KIAA0513: variants seen among roughly 807,000 people sequenced by gnomAD.
The protein encoded by KIAA0513 is KIAA0513.
In KIAA0513, 39 loss-of-function variants were observed where a neutral mutation model predicts 56.5. The observed-to-expected ratio is 0.69, with a 90% CI of 0.53 to 0.90. KIAA0513 has a LOEUF of 0.90. Among genes scored for constraint, KIAA0513 ranks in the 40% least tolerant of loss-of-function variants. The pLI is 0.00. For synonymous variants in KIAA0513, 268 were observed against 215.6 expected (o/e 1.24, Z -2.13); for missense variants, 591 against 535.2 (o/e 1.10, Z -1.03).
chr16:85,035,910 C>A (rs1242819849), intron 1 of KIAA0513, among the ~76,000 whole-genome samples: 1 of 146,106 alleles, frequency 6.8e-6, no homozygotes, highest in East Asian at 2.0e-4. Flanking sequence ...ACCTGGGAGG[C>A]AGAGCTTGCA....
In KIAA0513 at chr16:85,045,148, A is replaced by G. The variant is rs576954776; in HGVS notation, c.-173+17290A>G. On this transcript the variant is annotated intron_variant, in intron 1 of 12. Coordinates refer to ENST00000683363, the MANE Select transcript of KIAA0513 (RefSeq NM_001388359.1). ...AAATAAATAATAAATGACAAAAAAA[A>G]AGAAAGCATCTGTCCCTCATCATGT... is the stretch of plus-strand genomic sequence containing the variant. 4.6e-5 allele frequency among the ~76,000 whole-genome samples: 7 copies of G among 152,182 alleles called. No individual in the cohort carries two copies. The South Asian group carries it at 1.2e-3, about 27-fold the overall frequency.
intron 1 of KIAA0513, among the ~76,000 whole-genome samples, chr16:85,049,702 G>C (rs11149706): frequency 1.3e-5 from 2 of 151,958 alleles, no homozygotes; most frequent in South Asian, 4.1e-4. Flanking sequence ...GAAGTCAAGC[G>C]GATGCCAGCA....
intron 3 of KIAA0513, 93 bp downstream of exon 3, chr16:85,071,975 C>G (rs1274666980): frequency 1.2e-6 from 1 of 854,514 alleles, no homozygotes; most frequent in African/African-American, 1.7e-5. Context: ...CAATGACACT[C>G]TGGAGAAAAG....
intron 1 of KIAA0513, among the ~76,000 whole-genome samples, chr16:85,060,064 G>A (rs2073382139): frequency 6.6e-6 from 1 of 152,184 alleles, no homozygotes; most frequent in African/African-American, 2.4e-5. Flanking sequence ...GGGCTCAAGC[G>A]ATCCTCATGC....
intron 1 of KIAA0513, among the ~76,000 whole-genome samples, chr16:85,058,596 G>C (rs1387068827): frequency 2.0e-5 from 3 of 150,846 alleles, no homozygotes; most frequent in African/African-American, 4.9e-5. Context: ...AGGTTGCGGT[G>C]AGCCAAGATT....
At chr16:85,052,500 G>C (rs549913010) in intron 1 of KIAA0513, among the ~76,000 whole-genome samples, 1 of 152,322 alleles carries the variant, frequency 6.6e-6, no homozygotes, top group South Asian at 2.1e-4. Flanking sequence ...GGCAACAAGA[G>C]CAAAACCCTG....
At chr16:85,074,365 T>C (rs1472542) in intron 4 of KIAA0513, among the ~76,000 whole-genome samples, 28,347 of 131,192 alleles carry the variant, frequency 0.22, 2,714 homozygotes, top group South Asian at 0.26. Context: ...CACACACACA[T>C]ATATATTTAG....
chr16:85,078,497 GC>G (rs2073693203), intron 7 of KIAA0513, 42 bp downstream of exon 7: 1 of 1,591,034 alleles, frequency 6.3e-7, no homozygotes, highest in Non-Finnish European at 8.6e-7. Flanking sequence ...CCAGCCCACA[GC>G]CCCTCAGCCA....
chr16:85,071,654 T>G, intron 2 of KIAA0513, 129 bp from the exon 3 acceptor site: 1 of 705,712 alleles, frequency 1.4e-6, no homozygotes, highest in Non-Finnish European at 2.3e-6. Context: ...GATGAGCTGA[T>G]GGGAGTTGGG....
chr16:85,039,570 C>G (rs924355104), intron 1 of KIAA0513, among the ~76,000 whole-genome samples: 8 of 152,210 alleles, frequency 5.3e-5, no homozygotes, highest in African/African-American at 1.7e-4. Flanking sequence ...TCCTGAGTAA[C>G]TGGGACTACA....
chr16:85,075,505 G>A (rs1043074537), intron 4 of KIAA0513, among the ~76,000 whole-genome samples: 2 of 152,080 alleles, frequency 1.3e-5, no homozygotes, highest in Admixed American at 6.5e-5. Context: ...AGGGCTGGGC[G>A]GCCTGAGCCA....
chr16:85,053,229 T>G (rs1047159493), intron 1 of KIAA0513, among the ~76,000 whole-genome samples: 5 of 152,254 alleles, frequency 3.3e-5, no homozygotes, highest in Admixed American at 2.0e-4. Context: ...CATTTATGAG[T>G]TATTGGAAGG....
In KIAA0513 at chr16:85,077,471, C is replaced by T; in HGVS notation, c.621C>T (p.Gly207=). 2.5e-6 allele frequency: 4 copies of T among 1,614,174 alleles called. No individual in the cohort carries two copies. Among genetic ancestry groups the T allele is most frequent in the Non-Finnish European group, 3.4e-6 (4 of 1,180,024 alleles). ...CGGAGTCCCGGGAGAAGCCCGCGGGCAGCATCGACTCCTACCTGAAATCCG... is the reference window on the plus strand; with the variant it reads ...CGGAGTCCCGGGAGAAGCCCGCGGGTAGCATCGACTCCTACCTGAAATCCG... ...LPPESREKPA[G]SIDSYLKSAN... is the part of the protein sequence containing the mutation. Residue 207 remains glycine, a synonymous_variant, in exon 6 of 13, where the codon GGC becomes GGT. Transcript: ENST00000683363.
chr16:85,032,756 G>A (rs2072983115), intron 1 of KIAA0513, among the ~76,000 whole-genome samples: 1 of 151,826 alleles, frequency 6.6e-6, no homozygotes, highest in Non-Finnish European at 1.5e-5. Context: ...TCAGCCTCCC[G>A]AGTAGCTGGG....
In KIAA0513 at chr16:85,082,610, G is replaced by T. The variant is rs772956440; in HGVS notation, c.1010+17G>T. 6.9e-5 allele frequency: 112 copies of T among 1,613,866 alleles called. No individual in the cohort carries two copies. The highest frequency in any genetic ancestry group is 9.2e-5 in the Non-Finnish European group (109 of 1,179,900). On this transcript the variant is annotated intron_variant, in intron 10 of 12. Transcript: ENST00000683363. ...GGAGAAGAGGTGTGTGTGTCCACGT[G>T]ACTTTGTTCCATTTTACAGTGCGGG...
In KIAA0513 at chr16:85,087,175, G is replaced by C. The variant is rs752391216; in HGVS notation, c.1186+9G>C. 1 of 1,611,076 alleles carries C rather than the reference G, an allele frequency of 6.2e-7. No homozygotes were observed. Among genetic ancestry groups the C allele is most frequent in the Non-Finnish European group, 8.5e-7 (1 of 1,177,240 alleles). ...TGGCAACCTGGATGAAGGTGCGTCT[G>C]GGGGAGGCTGCTGGCAGGAGGCGGG... On this transcript the variant is annotated intron_variant, in intron 12 of 12. Transcript: ENST00000683363.
rs186736426 is a variant in KIAA0513, at chr16:85,078,862, G to A, written c.824-63G>A. 2.4e-5 allele frequency: 38 copies of A among 1,558,798 alleles called. No homozygotes were observed. The African/African-American group carries it at 3.5e-4, about 14-fold the overall frequency. ...ACTGGCTGCTGGGAGGCTGTCACCCGGGGTTTGCCAACAGTGGGTGCGCAA... is the reference window on the plus strand; with the variant it reads ...ACTGGCTGCTGGGAGGCTGTCACCCAGGGTTTGCCAACAGTGGGTGCGCAA... On this transcript the variant is annotated intron_variant, in intron 7 of 12. Coordinates refer to ENST00000683363, the MANE Select transcript of KIAA0513 (RefSeq NM_001388359.1).
At chr16:85,055,257 C>G (rs2073312424) in intron 1 of KIAA0513, among the ~76,000 whole-genome samples, 2 of 151,876 alleles carry the variant, frequency 1.3e-5, no homozygotes, top group Admixed American at 1.3e-4. Flanking sequence ...TGTTTGATTG[C>G]TTAAAAATAG....
At chr16:85,064,175 T>G (rs1163670582) in intron 1 of KIAA0513, among the ~76,000 whole-genome samples, 1 of 151,988 alleles carries the variant, frequency 6.6e-6, no homozygotes, top group African/African-American at 2.4e-5. Context: ...CTGGCTAATT[T>G]TTGTATTTTG....
Sources: allele counts gnomAD v4.1 joint callset (sites outside exome capture counted in the v4.1 genomes callset), GRCh38; gene constraint gnomAD v4.1.1; transcripts MANE v1.5; gene names NCBI Gene and HGNC (gene_info 2026-07-23, HGNC 2026-07-21).